Variants in BCR observed in about 807,000 individuals in gnomAD.
The protein encoded by BCR is BCR activator of RhoGEF and GTPase, also known as breakpoint cluster region protein.
Under a neutral mutation model 138.6 loss-of-function variants are expected in BCR, and 58 were observed. The ratio of observed to expected loss-of-function variants is 0.42; its 90% CI spans 0.34 to 0.52. The LOEUF (loss-of-function observed/expected upper bound fraction) is 0.52, where lower values mean the gene tolerates loss of function less well. Among genes scored for constraint, BCR ranks in the 20% least tolerant of loss-of-function variants. The pLI, the probability that BCR is intolerant of heterozygous loss-of-function variation, is 0.06. For missense variants in BCR, 1,599 were observed against 1,727.2 expected (o/e 0.93, Z 1.32); for synonymous variants, 786 against 730.1 (o/e 1.08, Z -1.23).
intron 4 of BCR, chr22:23,263,444 A>C: frequency 7.2e-7 from 1 of 1,394,100 alleles, no homozygotes; most frequent in East Asian, 2.3e-5. Context: ...GGTGCTGCCG[A>C]GAGGGGATTC....
chr22:23,310,075 G>T, intron 17 of BCR: 1 of 494,746 alleles, frequency 2.0e-6, no homozygotes, highest in South Asian at 2.1e-5. Flanking sequence ...AAAAAAGCAA[G>T]CAAGCAAGAG....
At chr22:23,232,495 G>T (rs899840140) in intron 1 of BCR, among the ~76,000 whole-genome samples, 1 of 152,186 alleles carries the variant, frequency 6.6e-6, no homozygotes, top group Non-Finnish European at 1.5e-5. Flanking sequence ...GGCTCTTTGG[G>T]AGTGGGGGGT....
At chr22:23,264,481 A>G (rs2073413902) in intron 4 of BCR, 2 of 592,962 alleles carry the variant, frequency 3.4e-6, no homozygotes, top group African/African-American at 1.9e-5. Flanking sequence ...CTGTGACCCC[A>G]GTGCTCAGGC....
At chr22:23,248,389 G>C (rs1226878181) in intron 1 of BCR, among the ~76,000 whole-genome samples, 1 of 151,914 alleles carries the variant, frequency 6.6e-6, no homozygotes, top group East Asian at 1.9e-4. Context: ...ACATAACTAG[G>C]AGTAGAATTG....
rs1352182038 is a variant in BCR, at chr22:23,181,941, C to T, written c.981C>T (p.Gly327=). 2 of 1,612,956 alleles carry T rather than the reference C, an allele frequency of 1.2e-6. No individual in the cohort carries two copies. Among genetic ancestry groups the T allele is most frequent in the South Asian group, 2.2e-5 (2 of 91,046 alleles). The change falls in exon 1 of 23, where the codon GGC becomes GGT. Residue 327 remains glycine, a synonymous_variant. Coordinates refer to ENST00000305877, the MANE Select transcript of BCR (RefSeq NM_004327.4). The part of the protein sequence containing the change: ...SPRSFEDCGG[G]YTPDCSSNEN... ...GGAGTTTTGAGGATTGCGGAGGCGG[C>T]TATACCCCGGACTGCAGCTCCAATG...
chr22:23,310,190 C>T (rs1331041382), intron 17 of BCR, 134 bp from the exon 18 acceptor site: 10 of 539,806 alleles, frequency 1.9e-5, no homozygotes, highest in East Asian at 1.2e-4. Context: ...CCCCGAGGGG[C>T]GGCTCCACCT....
At chr22:23,193,859 C>G (rs2072445161) in intron 1 of BCR, among the ~76,000 whole-genome samples, 1 of 152,176 alleles carries the variant, frequency 6.6e-6, no homozygotes, top group Non-Finnish European at 1.5e-5. Flanking sequence ...TCAGGTCACC[C>G]GCAGGGGTCA....
chr22:23,232,708 C>G (rs546615759), intron 1 of BCR, among the ~76,000 whole-genome samples: 6 of 152,318 alleles, frequency 3.9e-5, no homozygotes, highest in African/African-American at 1.4e-4. Flanking sequence ...CATGGGCGGC[C>G]CCATCTGCCT....
At chr22:23,189,227 A>T (rs920443133) in intron 1 of BCR, among the ~76,000 whole-genome samples, 3 of 152,150 alleles carry the variant, frequency 2.0e-5, no homozygotes, top group African/African-American at 7.2e-5. Context: ...CATTAAGTAC[A>T]TCACCTTGTT....
At chr22:23,258,332 G>T (rs953561579) in intron 2 of BCR, among the ~76,000 whole-genome samples, 54 of 152,090 alleles carry the variant, frequency 3.6e-4, no homozygotes, top group Non-Finnish European at 2.8e-4. Context: ...ACTCAAATGG[G>T]GCACAGGGTG....
intron 8 of BCR, chr22:23,283,432 T>C (rs1391778278): frequency 1.3e-5 from 2 of 152,788 alleles, no homozygotes; most frequent in Non-Finnish European, 2.9e-5. Context: ...ACTGGGCCTG[T>C]CTCCACCCAT....
chr22:23,296,242 C>T (rs543478499), intron 16 of BCR, among the ~76,000 whole-genome samples: 8 of 152,088 alleles, frequency 5.3e-5, no homozygotes, highest in African/African-American at 1.9e-4. Flanking sequence ...GGCGTGGTGG[C>T]GGGTGCCTGT....
chr22:23,255,151 T>C (rs528191899), intron 2 of BCR, among the ~76,000 whole-genome samples: 1 of 152,362 alleles, frequency 6.6e-6, no homozygotes, highest in East Asian at 1.9e-4. Flanking sequence ...GGCTGACATG[T>C]TAGCTGCACG....
chr22:23,297,147 G>A (rs2073853099), intron 16 of BCR, among the ~76,000 whole-genome samples: 1 of 151,110 alleles, frequency 6.6e-6, no homozygotes, highest in African/African-American at 2.4e-5. Context: ...AGCAATCTTT[G>A]TGCCCTAGCC....
At chr22:23,287,980 C>T in intron 11 of BCR, 117 bp from the exon 12 acceptor site, 1 of 968,802 alleles carries the variant, frequency 1.0e-6, no homozygotes, top group Non-Finnish European at 1.7e-6. Flanking sequence ...CACACCTGGC[C>T]ACTGGGCTCC....
chr22:23,253,654 G>A (rs2146267377), intron 1 of BCR, 145 bp from the exon 2 acceptor site: 1 of 872,456 alleles, frequency 1.1e-6, no homozygotes, highest in East Asian at 2.7e-5. Flanking sequence ...CCAGTCAGTT[G>A]TGAAGGGGAC....
intron 16 of BCR, among the ~76,000 whole-genome samples, chr22:23,305,572 GC>G (rs2073947480): frequency 6.6e-6 from 1 of 152,196 alleles, no homozygotes; most frequent in Admixed American, 6.5e-5. Context: ...CACAGCACCT[GC>G]CCCAGTTGGG....
At chr22:23,305,113 T>TAAA (rs131687) in intron 16 of BCR, among the ~76,000 whole-genome samples, 1 of 141,420 alleles carries the variant, frequency 7.1e-6, no homozygotes, top group Admixed American at 7.1e-5. Context: ...GACTCCGCCT[T>TAAA]AAAAAAAAAA....
intron 11 of BCR, 32 bp from the exon 12 acceptor site, chr22:23,288,065 A>G (rs975888677): frequency 6.2e-7 from 1 of 1,607,196 alleles, no homozygotes; most frequent in Admixed American, 1.7e-5. Flanking sequence ...CAGGGCGGAG[A>G]TAACTGGGTG....
Sources: allele counts gnomAD v4.1 joint callset (sites outside exome capture counted in the v4.1 genomes callset), GRCh38; gene constraint gnomAD v4.1.1; transcripts MANE v1.5; gene names NCBI Gene and HGNC (gene_info 2026-07-23, HGNC 2026-07-21).